RANBP10: variants seen among roughly 807,000 people sequenced by gnomAD.
RANBP10 encodes the protein ran-binding protein 10.
A neutral mutation model predicts 72.8 loss-of-function variants in RANBP10; 24 were observed. The ratio of observed to expected loss-of-function variants is 0.33; its 90% CI spans 0.24 to 0.46. The LOEUF (loss-of-function observed/expected upper bound fraction) is 0.46, where lower values mean the gene tolerates loss of function less well. Among genes scored for constraint, RANBP10 ranks in the 20% least tolerant of loss-of-function variants. The pLI, the probability that RANBP10 is intolerant of heterozygous loss-of-function variation, is 1.00. For missense variants in RANBP10, 679 were observed against 817.5 expected, an observed-to-expected ratio of 0.83 and a Z score of 2.07; for synonymous variants, 310 against 322.3, an observed-to-expected ratio of 0.96 and a Z score of 0.41.
At chr16:67,802,841 T>C (rs146675651) in intron 2 of RANBP10, among the ~76,000 whole-genome samples, 5 of 152,202 alleles carry the variant, frequency 3.3e-5, no homozygotes, top group African/African-American at 7.2e-5. Flanking sequence ...ATCTCCAACA[T>C]AGCCAGACCT....
intron 3 of RANBP10, among the ~76,000 whole-genome samples, chr16:67,747,351 A>G (rs2054102302): frequency 6.6e-6 from 1 of 152,092 alleles, no homozygotes; most frequent in Non-Finnish European, 1.5e-5. Flanking sequence ...TGTTTTTTCA[A>G]ATTTTTAACT....
chr16:67,772,151 C>A, intron 2 of RANBP10, 65 bp from the exon 3 acceptor site: 1 of 1,519,718 alleles, frequency 6.6e-7, no homozygotes. Context: ...CGTCTCCCTT[C>A]TCAAACATTT....
intron 2 of RANBP10, among the ~76,000 whole-genome samples, chr16:67,798,610 C>G (rs1462654510): frequency 6.6e-6 from 1 of 152,198 alleles, no homozygotes; most frequent in Admixed American, 6.5e-5. Flanking sequence ...AACTCCAGCA[C>G]AAGCAGAGTC....
At chr16:67,789,783 TA>T (rs988183695) in intron 2 of RANBP10, among the ~76,000 whole-genome samples, 5 of 150,888 alleles carry the variant, frequency 3.3e-5, no homozygotes, top group African/African-American at 1.2e-4. Context: ...CCATATATCT[TA>T]AAAACAACTA....
rs1226895358 is a variant in RANBP10 at position 67,724,343 on chromosome 16, C to T, written c.*2085G>A. 6.6e-6 allele frequency: 1 copy of T among 152,234 alleles called. No individual in the cohort carries two copies. The highest frequency in any genetic ancestry group is 1.9e-4 in the East Asian group (1 of 5,194). The allele number at this position is 152,234 out of a possible 1,614,324, so 9.4% of individuals were successfully genotyped here. A position where few individuals can be genotyped will look rare whatever the true frequency, so the allele number is the denominator to read the frequency against. ...TTGCTATGTGACTTTAGCCAAGTCA[C>T]TTAATCTCCTGGGCCTGTTTCCTTA... On this transcript the variant is annotated 3_prime_UTR_variant, in exon 14 of 14. Coordinates refer to ENST00000317506, the MANE Select transcript of RANBP10 (RefSeq NM_020850.3).
At chr16:67,804,721 G>T (rs184954943) in intron 2 of RANBP10, among the ~76,000 whole-genome samples, 22 of 152,126 alleles carry the variant, frequency 1.4e-4, no homozygotes, top group Middle Eastern at 3.4e-3. Flanking sequence ...TAGAGACAGG[G>T]TTTCAGCATG....
chr16:67,761,030 C>T (rs180910434), intron 3 of RANBP10, among the ~76,000 whole-genome samples: 3 of 152,336 alleles, frequency 2.0e-5, no homozygotes, highest in African/African-American at 7.2e-5. Context: ...GCCAGCTCAC[C>T]GACACCAGGG....
intron 2 of RANBP10, 96 bp downstream of exon 2, chr16:67,805,332 C>G: frequency 9.1e-7 from 1 of 1,094,054 alleles, no homozygotes; most frequent in Non-Finnish European, 1.3e-6. Context: ...GGCTCCCCAG[C>G]TCACATCAGC....
chr16:67,729,876 C>T lies in RANBP10; in HGVS notation c.999-48G>A, dbSNP rs751837040. The T allele has an allele frequency of 8.1e-6, 13 of 1,613,340 alleles. No individual in the cohort carries two copies. Among genetic ancestry groups the T allele is most frequent in the Non-Finnish European group, 1.1e-5 (13 of 1,179,830 alleles). On this transcript the variant is annotated intron_variant, in intron 8 of 13. Coordinates refer to ENST00000317506, the MANE Select transcript of RANBP10 (RefSeq NM_020850.3). This position sits in a 1 kb window ranked among gnomAD's most constrained non-coding sequence, Gnocchi z 7.1. ...ATGCTCTGGTTGTGGTCCAGGTTGA[C>T]GTTCCCACCACCAGCTGAGAGGGGC...
At chr16:67,734,479 C>T (rs187762772) in intron 6 of RANBP10, among the ~76,000 whole-genome samples, 1 of 152,300 alleles carries the variant, frequency 6.6e-6, no homozygotes, top group African/African-American at 2.4e-5. Flanking sequence ...GGCCTCAGGC[C>T]AGAGTCACAG....
intron 11 of RANBP10, 152 bp from the exon 12 acceptor site, chr16:67,728,048 G>T: frequency 1.2e-6 from 1 of 823,700 alleles, no homozygotes; most frequent in Non-Finnish European, 1.9e-6. Flanking sequence ...CAGTCAAGGC[G>T]TTCTTCTCTT....
intron 4 of RANBP10, among the ~76,000 whole-genome samples, chr16:67,740,115 T>C (rs1290171008): frequency 1.3e-5 from 2 of 150,222 alleles, no homozygotes; most frequent in Non-Finnish European, 3.0e-5. Flanking sequence ...TTTTTTTTTT[T>C]TCCCTGAGAC....
rs575106320 is a variant in RANBP10, at chr16:67,772,570, G to A, written c.348-484C>T. 1.7e-4 allele frequency among the ~76,000 whole-genome samples: 26 copies of A among 152,232 alleles called. No homozygotes were observed. The South Asian group carries it at 3.9e-3, about 23-fold the overall frequency. On this transcript the variant is annotated intron_variant, in intron 2 of 13. Coordinates refer to ENST00000317506, the MANE Select transcript of RANBP10 (RefSeq NM_020850.3). ...GATCATCAATCAAGACTGCTCAAAC[G>A]AGCTTGTTCTCTGGGTCTCAAAATT...
intron 2 of RANBP10, among the ~76,000 whole-genome samples, chr16:67,788,695 A>T (rs1567711513): frequency 2.0e-5 from 3 of 150,508 alleles, no homozygotes; most frequent in African/African-American, 2.5e-5. Flanking sequence ...TGCCCCCAAA[A>T]TTTTTTTTTA....
intron 2 of RANBP10, among the ~76,000 whole-genome samples, chr16:67,785,892 G>A (rs536206993): frequency 6.6e-6 from 1 of 152,026 alleles, no homozygotes; most frequent in South Asian, 2.1e-4. Context: ...CGAGCATGGT[G>A]GCAGGCGCCT....
intron 3 of RANBP10, among the ~76,000 whole-genome samples, chr16:67,755,751 T>C (rs1323567136): frequency 6.9e-6 from 1 of 144,124 alleles, no homozygotes; most frequent in African/African-American, 2.6e-5. Context: ...TGCAGGGAGA[T>C]ACATCCGGCT....
intron 2 of RANBP10, among the ~76,000 whole-genome samples, chr16:67,787,236 C>CTCAA (rs796853537): frequency 1.8e-4 from 28 of 152,098 alleles, no homozygotes; most frequent in East Asian, 3.9e-4. Flanking sequence ...GAGACTCTAT[C>CTCAA]TCAATCAATC....
intron 3 of RANBP10, among the ~76,000 whole-genome samples, chr16:67,748,252 G>A (rs145008126): frequency 0.025 from 3,731 of 151,970 alleles, 55 homozygotes; most frequent in Non-Finnish European, 0.037. Flanking sequence ...GGATGCAGTG[G>A]CTCAGGCCTA....
rs558839323 is a variant in RANBP10 at position 67,767,600 on chromosome 16, AT to A, written c.400+4433del. 3.6e-3 allele frequency among the ~76,000 whole-genome samples: 519 copies of A among 145,440 alleles called. 4 individuals carry two copies. Among genetic ancestry groups the A allele is most frequent in the African/African-American group, 0.011 (435 of 39,922 alleles). ...AACACAGGGAGACCTTGTCTCTACAATTTTTTTTTTTTTTGAGACGGCGTCT... is the reference window on the plus strand; with the variant it reads ...AACACAGGGAGACCTTGTCTCTACAATTTTTTTTTTTTTGAGACGGCGTCT... On this transcript the variant is annotated intron_variant, in intron 3 of 13. Coordinates refer to ENST00000317506, the MANE Select transcript of RANBP10 (RefSeq NM_020850.3).
Sources: gnomAD v4.1 joint callset for allele counts (sites outside exome capture counted in the v4.1 genomes callset) on GRCh38, gnomAD v4.1.1 for gene constraint, Gnocchi (gnomAD v3.1) non-coding constraint, MANE v1.5 for transcripts, NCBI Gene and HGNC (gene_info 2026-07-23, HGNC 2026-07-21) for gene names.